PDE1B: variants seen among roughly 807,000 people sequenced by gnomAD.
PDE1B encodes phosphodiesterase 1B, also known as dual specificity calcium/calmodulin-dependent 3',5'-cyclic nucleotide phosphodiesterase 1B.
PDE1B carries 13 observed loss-of-function variants against 66.7 expected under a neutral mutation model. The ratio of observed to expected loss-of-function variants is 0.19; its 90% CI spans 0.13 to 0.31. The LOEUF (loss-of-function observed/expected upper bound fraction) is 0.31, where lower values mean the gene tolerates loss of function less well. PDE1B is among the 10% of genes least tolerant of loss of function. PDE1B has a pLI of 1.00. For missense variants in PDE1B, 485 were observed against 682.3 expected, an observed-to-expected ratio of 0.71 and a Z score of 3.22; for synonymous variants, 230 against 253.9, an observed-to-expected ratio of 0.91 and a Z score of 0.90.
intron 13 of PDE1B, 91 bp downstream of exon 13, chr12:54,576,191 A>G: frequency 1.2e-6 from 1 of 828,368 alleles, no homozygotes; most frequent in Non-Finnish European, 2.1e-6. Flanking sequence ...ACTCACAGCC[A>G]TGGTGGGGTG....
intron 2 of PDE1B, among the ~76,000 whole-genome samples, chr12:54,552,836 G>A (rs1414852418): frequency 6.6e-6 from 1 of 152,204 alleles, no homozygotes; most frequent in African/African-American, 2.4e-5. Flanking sequence ...AACCCTAAGA[G>A]GAAGTATTTG....
Position 54,573,111 on chromosome 12 carries a change from G to A in PDE1B, c.736-37G>A, listed in dbSNP as rs190044372. 2.8e-5 allele frequency: 42 copies of A among 1,481,180 alleles called. No homozygotes were observed. The highest frequency in any genetic ancestry group is 4.5e-5 in the East Asian group (2 of 44,288). 91.8% of individuals were successfully genotyped at this position (1,481,180 alleles called of 1,614,324 possible). A position where few individuals can be genotyped will look rare whatever the true frequency, so the allele number is the denominator to read the frequency against. On this transcript the variant is annotated intron_variant, in intron 7 of 15. Transcript: ENST00000243052. The surrounding 1 kb of genome is among the most constrained non-coding windows in gnomAD (Gnocchi z 5.2). ...GGTTCCTGGGAAGTGACCAGCAGGC[G>A]TCACCCCTCTCTCATTCTTTCTCTT...
chr12:54,550,171 G>A (rs1203691496), intron 2 of PDE1B, 186 bp downstream of exon 2: 40 of 1,419,220 alleles, frequency 2.8e-5, no homozygotes, highest in Middle Eastern at 2.6e-4. Flanking sequence ...TGCGGAGCAA[G>A]CTGGCCAGTT....
At position 54,550,001 on chromosome 12, in the gene PDE1B, G is replaced by C. The variant is rs751503107; in HGVS notation, c.113+16G>C. 2.5e-6 allele frequency: 4 copies of C among 1,612,392 alleles called. No homozygotes were observed. The highest frequency in any genetic ancestry group is 2.2e-5 in the South Asian group (2 of 90,816). The stretch of plus-strand genomic sequence containing the variant: ...TTCGGTCTCTGTAAGTCCCCGGCCC[G>C]GGAATGGGGGGAAGGGACCTTAGGG... On this transcript the variant is annotated intron_variant, in intron 2 of 15. Transcript: ENST00000243052.
intron 15 of PDE1B, 111 bp downstream of exon 15, chr12:54,577,456 G>T: frequency 6.2e-7 from 1 of 1,604,548 alleles, no homozygotes. Flanking sequence ...CTTTTGAGCA[G>T]TAAAATGGAG....
At chr12:54,572,575 T>A in intron 6 of PDE1B, 26 bp from the exon 7 acceptor site, 1 of 1,608,338 alleles carries the variant, frequency 6.2e-7, no homozygotes, top group Non-Finnish European at 8.5e-7. Flanking sequence ...CCTTGATATA[T>A]CTCCATTTCC....
chr12:54,577,659 A>G lies in PDE1B; in HGVS notation c.*18-201A>G, dbSNP rs182831377. The G allele has an allele frequency of 1.9e-3, 2,026 of 1,091,376 alleles. 26 individuals are homozygous for G. In the African/African-American group the frequency reaches 0.029, roughly 15 times the overall value. 67.6% of individuals were successfully genotyped at this position (1,091,376 alleles called of 1,614,324 possible). ...AGGGTTAGGGAAAAGGAGCCCAGCC[A>G]GGGCACACAGCTCAGTGAGGGCAGC... On this transcript the variant is annotated intron_variant, in intron 15 of 15. Coordinates refer to ENST00000243052, the MANE Select transcript of PDE1B (RefSeq NM_000924.4).
chr12:54,577,026 G>A (rs1957766195), intron 14 of PDE1B, 199 bp from the exon 15 acceptor site: 2 of 616,354 alleles, frequency 3.2e-6, no homozygotes. Context: ...CCTGTGTGAG[G>A]GGGTGGTAGG....
intron 2 of PDE1B, 34 bp from the exon 3 acceptor site, chr12:54,566,940 G>A (rs758673119): frequency 2.6e-6 from 3 of 1,176,412 alleles, no homozygotes; most frequent in Non-Finnish European, 3.8e-6. Context: ...AGGTAGCTGT[G>A]CCTAAGCAGC....
At chr12:54,567,928 C>T (rs1395257557) in intron 3 of PDE1B, among the ~76,000 whole-genome samples, 1 of 152,062 alleles carries the variant, frequency 6.6e-6, no homozygotes, top group Non-Finnish European at 1.5e-5. Context: ...GTGATCTTGG[C>T]TCACTGCAAC....
At chr12:54,554,013 C>G (rs994048894) in intron 2 of PDE1B, among the ~76,000 whole-genome samples, 2 of 152,102 alleles carry the variant, frequency 1.3e-5, no homozygotes, top group African/African-American at 4.8e-5. Context: ...TGTGCACTTA[C>G]CTGAATACCT....
At position 54,573,240 on chromosome 12, in the gene PDE1B, C is replaced by T. The variant is rs751536813; in HGVS notation, c.828C>T (p.Ile276=). 1 of 1,613,846 alleles carries T rather than the reference C, an allele frequency of 6.2e-7. No homozygotes were observed. The highest frequency in any genetic ancestry group is 1.7e-5 in the Admixed American group (1 of 60,026). Residue 276 remains isoleucine, a synonymous_variant, in exon 8 of 16, where the codon ATC becomes ATT. Transcript: ENST00000243052. This position sits in a 1 kb window ranked among gnomAD's most constrained non-coding sequence, Gnocchi z 5.2. ...CGGGCACTACCAACAGCTTCCACAT[C>T]CAGACCAAGTGAGGGGTGGGGATGT... ...EHTGTTNSFH[I]QTKSECAIVY...
At chr12:54,553,750 G>C (rs1362859596) in intron 2 of PDE1B, among the ~76,000 whole-genome samples, 1 of 152,114 alleles carries the variant, frequency 6.6e-6, no homozygotes, top group Non-Finnish European at 1.5e-5. Context: ...TTTTTTGAGA[G>C]GGTGATGCTT....
intron 6 of PDE1B, chr12:54,571,985 GCAGACATA>G (rs1209145254): frequency 6.6e-6 from 1 of 152,618 alleles, no homozygotes; most frequent in Non-Finnish European, 1.5e-5. Context: ...TTTGAAGGAG[GCAGACATA>G]CCCTAAGGGC....
rs147236391 is a variant in PDE1B at position 54,572,132 on chromosome 12, C to T, written c.595-469C>T. 3.4e-3 allele frequency: 533 copies of T among 158,036 alleles called. 4 individuals carry two copies. The highest frequency in any genetic ancestry group is 0.012 in the African/African-American group (495 of 41,578). 9.8% of individuals were successfully genotyped at this position (158,036 alleles called of 1,614,324 possible). A position where few individuals can be genotyped will look rare whatever the true frequency, so the allele number is the denominator to read the frequency against. On this transcript the variant is annotated intron_variant, in intron 6 of 15. Transcript: ENST00000243052. ...GTAGAGGGTAAGTGGTCAGGGAGGG[C>T]AACCCACATCTGGCTGGAAGAGTCC...
intron 2 of PDE1B, among the ~76,000 whole-genome samples, chr12:54,563,389 A>G (rs1253521586): frequency 6.6e-6 from 1 of 152,242 alleles, no homozygotes; most frequent in Non-Finnish European, 1.5e-5. Context: ...ACTGAGATGG[A>G]TGAGTTGTGT....
chr12:54,567,951 G>A (rs1006985545), intron 3 of PDE1B, among the ~76,000 whole-genome samples: 5 of 152,066 alleles, frequency 3.3e-5, no homozygotes, highest in Admixed American at 3.3e-4. Context: ...CTGCCTCTGG[G>A]GTTCAAGCAA....
intron 2 of PDE1B, among the ~76,000 whole-genome samples, chr12:54,552,561 C>T (rs1173860363): frequency 2.0e-5 from 3 of 152,158 alleles, no homozygotes; most frequent in Non-Finnish European, 4.4e-5. Flanking sequence ...GGATAAAAAG[C>T]CCACACTAAT....
chr12:54,575,308 C>T lies in PDE1B; in HGVS notation c.1185+90C>T. ...TTCCCCAATCCTGTTCCACATCCTC[C>T]TTTTGCTACCTGTAGTCTCTGACCT... On this transcript the variant is annotated intron_variant, in intron 11 of 15. Coordinates refer to ENST00000243052, the MANE Select transcript of PDE1B (RefSeq NM_000924.4). The surrounding 1 kb of genome is among the most constrained non-coding windows in gnomAD (Gnocchi z 4.0). 8.7e-7 allele frequency: 1 copy of T among 1,154,556 alleles called. No individual in the cohort carries two copies. Among genetic ancestry groups the T allele is most frequent in the Non-Finnish European group, 1.3e-6 (1 of 775,084 alleles). The allele number at this position is 1,154,556 out of a possible 1,614,324, so 71.5% of individuals were successfully genotyped here.
Sources: gnomAD v4.1 joint callset for allele counts (sites outside exome capture counted in the v4.1 genomes callset) on GRCh38, gnomAD v4.1.1 for gene constraint, Gnocchi (gnomAD v3.1) non-coding constraint, MANE v1.5 for transcripts, NCBI Gene and HGNC (gene_info 2026-07-23, HGNC 2026-07-21) for gene names.